The following ADAMTS2 variants were observed in gnomAD, a reference collection of about 807,000 sequenced individuals.
ADAMTS2 encodes A disintegrin and metalloproteinase with thrombospondin motifs 2.
A neutral mutation model predicts 123.0 loss-of-function variants in ADAMTS2; 50 were observed. The ratio of observed to expected loss-of-function variants is 0.41; its 90% confidence interval spans 0.32 to 0.51. ADAMTS2 has a LOEUF of 0.51. Ranked by LOEUF, ADAMTS2 falls within the 20% of genes least tolerant of loss-of-function variation. The pLI, the probability that ADAMTS2 is intolerant of heterozygous loss-of-function variation, is 0.35. For missense variants in ADAMTS2, 1,494 were observed against 1,705.2 expected (o/e 0.88, Z 2.18); for synonymous variants, 678 against 695.4 (o/e 0.98, Z 0.39).
intron 3 of ADAMTS2, among the ~76,000 whole-genome samples, chr5:179,218,564 G>C (rs1241089812): frequency 6.6e-6 from 1 of 152,180 alleles, no homozygotes; most frequent in African/African-American, 2.4e-5. Context: ...CTTTATTACT[G>C]ACTTTGAATT....
chr5:179,194,594 T>C (rs1038562301), intron 4 of ADAMTS2, among the ~76,000 whole-genome samples: 2 of 151,872 alleles, frequency 1.3e-5, no homozygotes, highest in African/African-American at 2.4e-5. Context: ...TGCTAGGGGA[T>C]TTGGGAGCTC....
intron 3 of ADAMTS2, among the ~76,000 whole-genome samples, chr5:179,212,004 C>T (rs1382401517): frequency 2.6e-5 from 4 of 152,228 alleles, no homozygotes; most frequent in South Asian, 2.1e-4. Context: ...GGAGTGGGCA[C>T]GCGCCCAGGC....
chr5:179,183,677 C>T (rs1422965578), intron 4 of ADAMTS2, among the ~76,000 whole-genome samples: 1 of 152,174 alleles, frequency 6.6e-6, no homozygotes, highest in Non-Finnish European at 1.5e-5. Context: ...TTACCTGGCT[C>T]TAGGGGGCAC....
At chr5:179,152,939 G>A (rs976520365) in intron 9 of ADAMTS2, among the ~76,000 whole-genome samples, 1 of 152,132 alleles carries the variant, frequency 6.6e-6, no homozygotes, top group African/African-American at 2.4e-5. Flanking sequence ...TGTAAAATGG[G>A]ACTACTTTGC....
intron 4 of ADAMTS2, among the ~76,000 whole-genome samples, chr5:179,193,428 T>A (rs1039766500): frequency 1.3e-5 from 2 of 152,164 alleles, no homozygotes; most frequent in Non-Finnish European, 2.9e-5. Flanking sequence ...GAGGCTCACA[T>A]AAGTGGGCAT....
rs1757926944 is a variant in ADAMTS2 at position 179,345,458 on chromosome 5, A to AGGCGAGGCGCGGAGGG, written c.-131_-130insCCCTCCGCGCCTCGCC. The AGGCGAGGCGCGGAGGG allele has an allele frequency of 1.4e-6, 1 of 706,688 alleles. No homozygotes were observed. The highest frequency in any genetic ancestry group is 1.7e-6 in the Non-Finnish European group (1 of 584,844). The allele number at this position is 706,688 out of a possible 1,614,324, so 43.8% of individuals were successfully genotyped here. The stretch of plus-strand genomic sequence containing the variant: ...AGCACCGCAGGGCGCGGGGCGGAGG[A>AGGCGAGGCGCGGAGGG]GGCGAGGCGCGGAGGGGCGGGCGGG... On this transcript the variant is annotated 5_prime_UTR_variant, in exon 1 of 22. Transcript: ENST00000251582. The surrounding 1 kb of genome is among the most constrained non-coding windows in gnomAD (Gnocchi z 7.5).
At chr5:179,148,597 G>T (rs550962425) in intron 10 of ADAMTS2, among the ~76,000 whole-genome samples, 3 of 152,294 alleles carry the variant, frequency 2.0e-5, no homozygotes, top group Admixed American at 6.5e-5. Context: ...CTCTGTGTCT[G>T]AGGTCATTGC....
rs3822598 is a variant in ADAMTS2, at chr5:179,148,989, C to T, written c.1629+3153G>A. On this transcript the variant is annotated intron_variant, in intron 10 of 21. Transcript: ENST00000251582. ...CCTGGCACCATTACCTCATCTCTTG[C>T]CCCCAAAGCTCCCCTCACTCGAGCA... is the stretch of plus-strand genomic sequence containing the variant. 3.7e-4 allele frequency among the ~76,000 whole-genome samples: 56 copies of T among 152,162 alleles called. No individual in the cohort carries two copies. The East Asian group carries it at 0.011, about 29-fold the overall frequency.
At chr5:179,319,494 A>G (rs1757098285) in intron 2 of ADAMTS2, among the ~76,000 whole-genome samples, 1 of 151,966 alleles carries the variant, frequency 6.6e-6, no homozygotes, top group East Asian at 1.9e-4. Context: ...CATGCCTCAC[A>G]TTTGCACACA....
intron 2 of ADAMTS2, among the ~76,000 whole-genome samples, chr5:179,331,704 T>C (rs558240300): frequency 6.6e-6 from 1 of 152,214 alleles, no homozygotes; most frequent in Admixed American, 6.5e-5. Context: ...TTCTGGAAAC[T>C]CAGGCCTTCT....
Position 179,307,199 on chromosome 5 carries a change from G to A in ADAMTS2, c.535-34135C>T, listed in dbSNP as rs546901697. On this transcript the variant is annotated intron_variant, in intron 2 of 21. Coordinates refer to ENST00000251582, the MANE Select transcript of ADAMTS2 (RefSeq NM_014244.5). The surrounding 1 kb of genome is among the most constrained non-coding windows in gnomAD (Gnocchi z 5.6). Reference sequence around the variant, plus strand: ...GCACTGCAGAGCTGCCCCGGCCCACGCGCCCCTGCCCTGCTGTGCTCCGCC... The same window carrying A: ...GCACTGCAGAGCTGCCCCGGCCCACACGCCCCTGCCCTGCTGTGCTCCGCC... Among the ~76,000 whole-genome samples the A allele has an allele frequency of 2.0e-5, 3 of 152,300 alleles. No individual in the cohort carries two copies. Among genetic ancestry groups the A allele is most frequent in the African/African-American group, 7.2e-5 (3 of 41,582 alleles).
intron 4 of ADAMTS2, among the ~76,000 whole-genome samples, chr5:179,191,450 C>T (rs958569900): frequency 2.7e-5 from 4 of 147,800 alleles, no homozygotes; most frequent in Non-Finnish European, 4.4e-5. Flanking sequence ...CACCTGGGTC[C>T]GTTTGAGCAC....
intron 2 of ADAMTS2, among the ~76,000 whole-genome samples, chr5:179,276,530 C>T (rs972942559): frequency 1.3e-5 from 2 of 152,192 alleles, no homozygotes; most frequent in Non-Finnish European, 2.9e-5. Flanking sequence ...GGTCATTTCC[C>T]GTGCACACTC....
chr5:179,161,486 C>T (rs1334206949), intron 5 of ADAMTS2, among the ~76,000 whole-genome samples: 1 of 152,162 alleles, frequency 6.6e-6, no homozygotes, highest in Non-Finnish European at 1.5e-5. Context: ...TACGTGGAAG[C>T]TAAAACAGTT....
intron 3 of ADAMTS2, among the ~76,000 whole-genome samples, chr5:179,231,016 A>G (rs1179947339): frequency 1.3e-5 from 2 of 152,100 alleles, no homozygotes; most frequent in East Asian, 3.9e-4. Context: ...GTCTCAAAAA[A>G]AAAAAGCCGG....
intron 2 of ADAMTS2, among the ~76,000 whole-genome samples, chr5:179,302,421 A>G (rs1258054787): frequency 6.8e-6 from 1 of 147,316 alleles, no homozygotes; most frequent in Admixed American, 6.7e-5. Context: ...GGGGAGTGAT[A>G]AGGCCCCGGA....
chr5:179,186,155 G>A (rs933580179), intron 4 of ADAMTS2, among the ~76,000 whole-genome samples: 1 of 152,134 alleles, frequency 6.6e-6, no homozygotes, highest in African/African-American at 2.4e-5. Flanking sequence ...GCTGGGCCTG[G>A]GATCCTGCTC....
intron 3 of ADAMTS2, among the ~76,000 whole-genome samples, chr5:179,265,565 C>T (rs982149387): frequency 1.3e-5 from 2 of 152,198 alleles, no homozygotes; most frequent in African/African-American, 4.8e-5. Context: ...CACAGGGCAG[C>T]GCTCTGAGCA....
intron 3 of ADAMTS2, among the ~76,000 whole-genome samples, chr5:179,267,782 G>A (rs1199017528): frequency 1.3e-5 from 2 of 152,098 alleles, no homozygotes; most frequent in African/African-American, 4.8e-5. Context: ...CTGATGTGGA[G>A]GCTTCTGTGG....
Sources: gnomAD v4.1 joint callset for allele counts (sites outside exome capture counted in the v4.1 genomes callset) on GRCh38, gnomAD v4.1.1 for gene constraint, Gnocchi (gnomAD v3.1) non-coding constraint, MANE v1.5 for transcripts, NCBI Gene and HGNC (gene_info 2026-07-23, HGNC 2026-07-21) for gene names.